The following CFAP57 variants were observed in gnomAD, a reference collection of about 807,000 sequenced individuals.
CFAP57 encodes cilia and flagella associated protein 57.
CFAP57 carries 116 observed loss-of-function variants against 146.8 expected under a neutral mutation model. The ratio of observed to expected loss-of-function variants is 0.79; its 90% CI spans 0.68 to 0.92. The LOEUF (loss-of-function observed/expected upper bound fraction) is 0.92. Ranked by LOEUF, CFAP57 falls within the 40% of genes least tolerant of loss-of-function variation. The pLI, the probability that CFAP57 is intolerant of heterozygous loss-of-function variation, is 0.00. For missense variants in CFAP57, 1,377 were observed against 1,527.2 expected, an observed-to-expected ratio of 0.90 and a Z score of 1.64; for synonymous variants, 518 against 552.8, an observed-to-expected ratio of 0.94 and a Z score of 0.88.
At chr1:43,208,765 C>T (rs1644466545) in intron 10 of CFAP57, among the ~76,000 whole-genome samples, 1 of 151,568 alleles carries the variant, frequency 6.6e-6, no homozygotes, top group East Asian at 1.9e-4. Context: ...GCACGTTGTG[C>T]ACATGTACCC....
chr1:43,241,955 TG>T (rs974359002), intron 21 of CFAP57, among the ~76,000 whole-genome samples: 4 of 152,012 alleles, frequency 2.6e-5, no homozygotes, highest in Non-Finnish European at 5.9e-5. Context: ...ATTTGAGGTG[TG>T]GGAAAAGAGG....
intron 6 of CFAP57, among the ~76,000 whole-genome samples, chr1:43,191,512 G>A (rs7544282): frequency 0.18 from 26,840 of 150,620 alleles, 3,482 homozygotes; most frequent in African/African-American, 0.34. Flanking sequence ...GCGTGAACCC[G>A]GGAAGCAGGG....
intron 22 of CFAP57, among the ~76,000 whole-genome samples, chr1:43,252,933 A>G (rs1557844306): frequency 6.6e-6 from 1 of 152,226 alleles, no homozygotes; most frequent in Non-Finnish European, 1.5e-5. Flanking sequence ...AGATATAGTA[A>G]AAGACAAAGA....
At chr1:43,206,592 G>A in intron 9 of CFAP57, 128 bp from the exon 10 acceptor site, 2 of 840,290 alleles carry the variant, frequency 2.4e-6, no homozygotes, top group East Asian at 2.5e-5. Flanking sequence ...TGTGCTAACA[G>A]AAGGGCCTAC....
intron 2 of CFAP57, among the ~76,000 whole-genome samples, chr1:43,174,935 T>G (rs1645112347): frequency 6.6e-6 from 1 of 152,252 alleles, no homozygotes; most frequent in South Asian, 2.1e-4. Context: ...ACCATTACTC[T>G]TTACAAATCA....
intron 6 of CFAP57, among the ~76,000 whole-genome samples, chr1:43,193,972 T>C (rs892058989): frequency 6.6e-6 from 1 of 152,130 alleles, no homozygotes; most frequent in Non-Finnish European, 1.5e-5. Flanking sequence ...TATATGCATA[T>C]TGTTTCCTAC....
intron 22 of CFAP57, among the ~76,000 whole-genome samples, chr1:43,249,664 C>T (rs184506230): frequency 5.6e-4 from 81 of 143,758 alleles, no homozygotes; most frequent in Non-Finnish European, 1.0e-3. Context: ...AGACTGGTCT[C>T]GAACTCCTGA....
chr1:43,187,017 A>C (rs1643172663), intron 6 of CFAP57, among the ~76,000 whole-genome samples, 158 bp downstream of exon 6: 1 of 152,236 alleles, frequency 6.6e-6, no homozygotes, highest in Admixed American at 6.5e-5. Flanking sequence ...AGATATTCAC[A>C]TAGAAGCATG....
At position 43,181,601 on chromosome 1, in the gene CFAP57, T is replaced by C; in HGVS notation, c.225T>C (p.Ser75=). 1 of 1,614,246 alleles carries C rather than the reference T, an allele frequency of 6.2e-7. No homozygotes were observed. Among genetic ancestry groups the C allele is most frequent in the African/African-American group, 1.3e-5 (1 of 75,068 alleles). Residue 75 remains serine, a synonymous_variant, in exon 3 of 23, where the codon TCT becomes TCC. Transcript: ENST00000372492. ...ISPNRRYLAI[S]ETVQEKPAIT... The stretch of plus-strand genomic sequence containing the variant: ...CCAATCGGCGGTACCTCGCTATCTC[T>C]GAGACTGTGCAAGAAAAACCTGCCA...
intron 2 of CFAP57, among the ~76,000 whole-genome samples, chr1:43,178,774 G>T (rs1645268066): frequency 6.6e-6 from 1 of 152,156 alleles, no homozygotes; most frequent in Non-Finnish European, 1.5e-5. Context: ...ACCCAGCCAT[G>T]CCATTACATG....
At chr1:43,227,716 A>G (rs1282109870) in intron 18 of CFAP57, among the ~76,000 whole-genome samples, 1 of 151,974 alleles carries the variant, frequency 6.6e-6, no homozygotes, top group Non-Finnish European at 1.5e-5. Flanking sequence ...CATGCCCCCC[A>G]CCACACGCCA....
rs150194685 is a variant in CFAP57 at position 43,188,858 on chromosome 1, G to A, written c.1122+1999G>A. On this transcript the variant is annotated intron_variant, in intron 6 of 22. Transcript: ENST00000372492. ...CCTGAGGCCATGAAGATTTACCTCT[G>A]TATTTCTTCTAAGAGTTTCATAGTG... is the stretch of plus-strand genomic sequence containing the variant. Among the ~76,000 whole-genome samples the A allele has an allele frequency of 9.8e-5, 15 of 152,298 alleles. No individual in the cohort carries two copies. In the East Asian group the frequency reaches 2.9e-3, roughly 29 times the overall value.
Position 43,206,761 on chromosome 1 carries a change from T to G in CFAP57, c.1584T>G (p.Ile528Met). ...IVWNADDSKLISGGTDGAVYE... is the reference protein window; with the variant it reads ...IVWNADDSKLMSGGTDGAVYE... ...GGAATGCAGATGATAGCAAACTGAT[T>G]TCTGGTGGCACAGATGGTGCTGTGT... Residue 528 changes from isoleucine (I) to methionine (M), a missense_variant, in exon 10 of 23, where the codon ATT becomes ATG. Coordinates refer to ENST00000372492, the MANE Select transcript of CFAP57 (RefSeq NM_001378189.1). The G allele has an allele frequency of 1.9e-6, 3 of 1,614,112 alleles. No individual in the cohort carries two copies. Among genetic ancestry groups the G allele is most frequent in the Non-Finnish European group, 2.5e-6 (3 of 1,180,036 alleles).
chr1:43,196,648 A>C (rs1353333165), intron 6 of CFAP57: 1 of 152,130 alleles, frequency 6.6e-6, no homozygotes, highest in African/African-American at 2.4e-5. Context: ...CCCAACGATC[A>C]CTCCTCATTC....
At chr1:43,253,693 C>A (rs768127355) in intron 22 of CFAP57, among the ~76,000 whole-genome samples, 5 of 151,996 alleles carry the variant, frequency 3.3e-5, no homozygotes, top group Non-Finnish European at 7.4e-5. Context: ...GGGGCAGCCT[C>A]CATGGGTGGG....
In CFAP57 at chr1:43,206,885, T is replaced by C; in HGVS notation, c.1708T>C (p.Phe570Leu). Reference protein sequence around the residue: ...VTVSPDAKIIFAVGSDHTLKE... With the variant: ...VTVSPDAKIILAVGSDHTLKE... ...TGTCTCCCCCGATGCCAAAATTATC[T>C]TTGCTGTTGGATCAGACCACACCCT... is the stretch of plus-strand genomic sequence containing the variant. The change falls in exon 10 of 23, where the codon TTT (phenylalanine) becomes CTT (leucine). Residue 570 changes from phenylalanine (F) to leucine (L), a missense_variant. Coordinates refer to ENST00000372492, the MANE Select transcript of CFAP57 (RefSeq NM_001378189.1). 4.3e-6 allele frequency: 7 copies of C among 1,614,196 alleles called. No individual in the cohort carries two copies. Among genetic ancestry groups the C allele is most frequent in the Non-Finnish European group, 5.9e-6 (7 of 1,180,040 alleles).
rs1458984880 is a variant in CFAP57, at chr1:43,202,948, C to T, written c.1542+3445C>T. Among the ~76,000 whole-genome samples the T allele has an allele frequency of 2.6e-5, 4 of 151,880 alleles. No individual in the cohort carries two copies. The South Asian group carries it at 6.2e-4, about 24-fold the overall frequency. ...CAGCACTTTGGGAGGCTGAGGTGGG[C>T]GGATCACGAGGTCAGGAGATGGAGA... On this transcript the variant is annotated intron_variant, in intron 9 of 22. Coordinates refer to ENST00000372492, the MANE Select transcript of CFAP57 (RefSeq NM_001378189.1).
chr1:43,185,475 A>G (rs868138896), intron 5 of CFAP57, 119 bp downstream of exon 5: 1 of 854,554 alleles, frequency 1.2e-6, no homozygotes, highest in Non-Finnish European at 1.9e-6. Flanking sequence ...CTGAGCAGAA[A>G]TGGTGAAATG....
At chr1:43,194,695 ATTC>A (rs1299257696) in intron 6 of CFAP57, 2 of 152,130 alleles carry the variant, frequency 1.3e-5, no homozygotes, top group African/African-American at 4.8e-5. Context: ...AAGTTCACTA[ATTC>A]TTCTGCCAGT....
Sources: gnomAD v4.1 joint callset for allele counts (sites outside exome capture counted in the v4.1 genomes callset) on GRCh38, gnomAD v4.1.1 for gene constraint, MANE v1.5 for transcripts, NCBI Gene and HGNC (gene_info 2026-07-23, HGNC 2026-07-21) for gene names.